SAV1: variants seen among roughly 807,000 people sequenced by gnomAD.
The protein encoded by SAV1 is protein salvador homolog 1.
A neutral mutation model predicts 47.3 loss-of-function variants in SAV1; 23 were observed. That is an observed-to-expected ratio of 0.49 (90% CI 0.35 to 0.69). The LOEUF (loss-of-function observed/expected upper bound fraction) is 0.69, where lower values mean the gene tolerates loss of function less well. Among genes scored for constraint, SAV1 ranks in the 30% least tolerant of loss-of-function variants. The pLI is 0.01. For synonymous variants in SAV1, 155 were observed against 159.2 expected, an observed-to-expected ratio of 0.97 and a Z score of 0.20; for missense variants, 448 against 457.4, an observed-to-expected ratio of 0.98 and a Z score of 0.19.
rs2039918600 is a variant in SAV1, at chr14:50,667,984, C to A, written c.-17G>T. ...GGACAGCATCCTTCTCGACGAGGCC[C>A]GAGGCCGCGCTGAACTGCCTCCCTA... On this transcript the variant is annotated 5_prime_UTR_variant, in exon 1 of 5. Coordinates refer to ENST00000324679, the MANE Select transcript of SAV1 (RefSeq NM_021818.4). The A allele has an allele frequency of 6.2e-7, 1 of 1,602,994 alleles. No homozygotes were observed. The highest frequency in any genetic ancestry group is 1.3e-5 in the African/African-American group (1 of 74,506).
chr14:50,640,972 T>C, intron 3 of SAV1, 79 bp from the exon 4 acceptor site: 1 of 1,356,204 alleles, frequency 7.4e-7, no homozygotes, highest in Non-Finnish European at 9.9e-7. Context: ...AAATAATACT[T>C]AAGCATTTTT....
At chr14:50,666,205 T>C (rs908925581) in intron 1 of SAV1, among the ~76,000 whole-genome samples, 1 of 152,140 alleles carries the variant, frequency 6.6e-6, no homozygotes, top group African/African-American at 2.4e-5. Flanking sequence ...GCCAAAAATT[T>C]ATGTATGAAA....
rs1289629628 is a variant in SAV1 at position 50,633,852 on chromosome 14, A to G, written c.*1331T>C. The G allele has an allele frequency of 6.4e-6, 1 of 155,206 alleles. No homozygotes were observed. The highest frequency in any genetic ancestry group is 2.4e-5 in the African/African-American group (1 of 41,636). The allele number at this position is 155,206 out of a possible 1,614,324, so 9.6% of individuals were successfully genotyped here. ...ATAATGTTGAAATTCACAGAATTCT[A>G]GAGATTTATAGTTATAGTTTAGAAG... On this transcript the variant is annotated 3_prime_UTR_variant, in exon 5 of 5. Transcript: ENST00000324679.
At chr14:50,655,902 G>A (rs990874600) in intron 2 of SAV1, among the ~76,000 whole-genome samples, 3 of 152,006 alleles carry the variant, frequency 2.0e-5, no homozygotes, top group African/African-American at 7.2e-5. Flanking sequence ...AAACTTAGCC[G>A]GGCATGGTGG....
At chr14:50,647,801 A>C (rs2039735271) in intron 2 of SAV1, among the ~76,000 whole-genome samples, 1 of 152,240 alleles carries the variant, frequency 6.6e-6, no homozygotes. Flanking sequence ...GCAAGTGCTT[A>C]CATGGATACA....
At chr14:50,641,629 G>A (rs1369287489) in intron 3 of SAV1, among the ~76,000 whole-genome samples, 1 of 152,180 alleles carries the variant, frequency 6.6e-6, no homozygotes, top group African/African-American at 2.4e-5. Flanking sequence ...CTGCTTATTA[G>A]AGAAATGCAA....
intron 2 of SAV1, among the ~76,000 whole-genome samples, chr14:50,656,809 CA>C (rs896650736): frequency 1.3e-5 from 2 of 152,168 alleles, no homozygotes; most frequent in Admixed American, 1.3e-4. Flanking sequence ...GATAATTTTA[CA>C]AAATCTATTG....
At chr14:50,653,443 A>G (rs1420000251) in intron 2 of SAV1, among the ~76,000 whole-genome samples, 1 of 152,250 alleles carries the variant, frequency 6.6e-6, no homozygotes, top group Non-Finnish European at 1.5e-5. Flanking sequence ...AAATGACAGA[A>G]TTCAAGTATC....
At chr14:50,648,572 G>C (rs971292982) in intron 2 of SAV1, among the ~76,000 whole-genome samples, 3 of 152,140 alleles carry the variant, frequency 2.0e-5, no homozygotes, top group Non-Finnish European at 4.4e-5. Context: ...GAGGTCAGGA[G>C]ATCGAGACCA....
chr14:50,644,865 G>GCTCATC lies in SAV1; in HGVS notation c.684_685insGATGAG (p.Ser228_His229insAspGlu). On this transcript the variant is annotated inframe_insertion, in exon 3 of 5. Transcript: ENST00000324679. ...GGAAGTCCTTCTCGCTCAAGAGGATGGCTCCAGTGAGTTGTATTTGTGTTA... is the reference window on the plus strand; with the variant it reads ...GGAAGTCCTTCTCGCTCAAGAGGATGCTCATCGCTCCAGTGAGTTGTATTTGTGTTA... The GCTCATC allele has an allele frequency of 3.7e-6, 6 of 1,614,116 alleles. No homozygotes were observed. Among genetic ancestry groups the GCTCATC allele is most frequent in the Non-Finnish European group, 5.1e-6 (6 of 1,180,002 alleles).
intron 2 of SAV1, among the ~76,000 whole-genome samples, chr14:50,651,740 C>T (rs2140256600): frequency 6.6e-6 from 1 of 152,254 alleles, no homozygotes; most frequent in South Asian, 2.1e-4. Flanking sequence ...AATCCTCCCA[C>T]CTCAGCCTCC....
At chr14:50,662,334 A>C (rs966099203) in intron 2 of SAV1, among the ~76,000 whole-genome samples, 2 of 152,104 alleles carry the variant, frequency 1.3e-5, no homozygotes, top group African/African-American at 4.8e-5. Context: ...ACGCCCGGCT[A>C]ATTTTTTTAT....
intron 4 of SAV1, among the ~76,000 whole-genome samples, chr14:50,636,579 T>C (rs999328323): frequency 2.6e-5 from 4 of 152,218 alleles, no homozygotes; most frequent in African/African-American, 9.6e-5. Flanking sequence ...AGTAGATCCC[T>C]GCTTAGCAGT....
intron 4 of SAV1, among the ~76,000 whole-genome samples, chr14:50,635,770 C>T (rs2039629825): frequency 1.3e-5 from 2 of 152,112 alleles, no homozygotes; most frequent in African/African-American, 2.4e-5. Flanking sequence ...AGTGCAGTGG[C>T]GTGATCTCAG....
At chr14:50,667,187 G>C (rs755939150) in intron 1 of SAV1, among the ~76,000 whole-genome samples, 2 of 151,482 alleles carry the variant, frequency 1.3e-5, no homozygotes, top group Non-Finnish European at 2.9e-5. Flanking sequence ...GTGGGGATTG[G>C]GAGTGGGATC....
chr14:50,645,090 C>G, intron 2 of SAV1, 76 bp from the exon 3 acceptor site: 2 of 1,283,402 alleles, frequency 1.6e-6, no homozygotes, highest in Non-Finnish European at 2.1e-6. Flanking sequence ...CTAGCAAAGT[C>G]ACAACATTAA....
intron 2 of SAV1, among the ~76,000 whole-genome samples, chr14:50,653,149 A>T (rs898128712): frequency 1.6e-4 from 24 of 152,362 alleles, no homozygotes; most frequent in African/African-American, 5.5e-4. Context: ...CATAGATTAA[A>T]TAAGACTAAA....
At chr14:50,655,184 A>G (rs1250564416) in intron 2 of SAV1, among the ~76,000 whole-genome samples, 2 of 152,200 alleles carry the variant, frequency 1.3e-5, no homozygotes, top group Non-Finnish European at 2.9e-5. Context: ...ACAGCAAATG[A>G]CTTTAATATC....
Position 50,635,347 on chromosome 14 carries a change from C to T in SAV1, c.988G>A (p.Ala330Thr). The T allele has an allele frequency of 6.2e-7, 1 of 1,614,080 alleles. No homozygotes were observed. Among genetic ancestry groups the T allele is most frequent in the Non-Finnish European group, 8.5e-7 (1 of 1,180,002 alleles). Reference protein sequence around the residue: ...HILKWELFQLADLDTYQGMLK... With the variant: ...HILKWELFQLTDLDTYQGMLK... ...ATTCCCTGGTATGTATCCAGGTCAG[C>T]CAGCTGGAAGAGTTCCCACTTCAGA... The change falls in exon 5 of 5, where the codon GCT becomes ACT. Residue 330 changes from alanine (A) to threonine (T), a missense_variant. Ala to Thr is a moderately conservative substitution (Grantham distance 58). Transcript: ENST00000324679.
Sources: gnomAD v4.1 joint callset for allele counts (sites outside exome capture counted in the v4.1 genomes callset) on GRCh38, gnomAD v4.1.1 for gene constraint, MANE v1.5 for transcripts, NCBI Gene and HGNC (gene_info 2026-07-23, HGNC 2026-07-21) for gene names.